ATP8B4: variants seen among roughly 807,000 people sequenced by gnomAD.
The protein encoded by ATP8B4 is ATPase phospholipid transporting 8B4 (putative).
A neutral mutation model predicts 145.6 loss-of-function variants in ATP8B4; 133 were observed. That is an observed-to-expected ratio of 0.91 (90% CI 0.79 to 1.05). The LOEUF is 1.05. Ranked by LOEUF, ATP8B4 falls within the 50% of genes least tolerant of loss-of-function variation. ATP8B4 has a pLI of 0.00. For missense variants in ATP8B4, 1,458 were observed against 1,425.2 expected (o/e 1.02, Z -0.37); for synonymous variants, 507 against 492.9 (o/e 1.03, Z -0.38).
rs1418214600 is a variant in ATP8B4, at chr15:49,876,351, C to T, written c.2954G>A (p.Gly985Glu). The T allele has an allele frequency of 6.2e-7, 1 of 1,614,050 alleles. No individual in the cohort carries two copies. The highest frequency in any genetic ancestry group is 8.5e-7 in the Non-Finnish European group (1 of 1,179,976). The change falls in exon 25 of 28, where the codon GGG (glycine) becomes GAG (glutamate). Residue 985 changes from glycine to glutamate, a missense_variant. Coordinates refer to ENST00000284509, the MANE Select transcript of ATP8B4 (RefSeq NM_024837.4). ...GAFYNVAGED[G>E]QHIADYQSFA... is the part of the protein sequence containing the mutation. ...GGACTGGTAGTCAGCAATATGTTGCCCATCTTCTCCAGCCACGTTGTAAAA... is the reference window on the plus strand; with the variant it reads ...GGACTGGTAGTCAGCAATATGTTGCTCATCTTCTCCAGCCACGTTGTAAAA...
intron 6 of ATP8B4, among the ~76,000 whole-genome samples, chr15:50,029,824 T>C (rs904522417): frequency 1.3e-5 from 2 of 152,240 alleles, no homozygotes; most frequent in Non-Finnish European, 2.9e-5. Context: ...GGGTGATTTC[T>C]ATGTTTTGTT....
intron 6 of ATP8B4, among the ~76,000 whole-genome samples, chr15:50,012,811 T>C (rs1369157413): frequency 1.3e-5 from 2 of 152,196 alleles, no homozygotes; most frequent in African/African-American, 2.4e-5. Context: ...GCTTAACCTC[T>C]GATTTGAATA....
intron 2 of ATP8B4, among the ~76,000 whole-genome samples, chr15:50,098,955 T>C (rs1374616766): frequency 2.6e-5 from 4 of 152,188 alleles, no homozygotes; most frequent in Non-Finnish European, 5.9e-5. Flanking sequence ...TACTGACATA[T>C]TCATCAAACA....
intron 6 of ATP8B4, among the ~76,000 whole-genome samples, chr15:50,032,624 T>G (rs1478603974): frequency 6.6e-6 from 1 of 152,190 alleles, no homozygotes; most frequent in Non-Finnish European, 1.5e-5. Context: ...ATTTTAAAAT[T>G]GAAAACAAAC....
At chr15:50,121,039 A>C (rs1444892036), upstream of ATP8B4, among the ~76,000 whole-genome samples, 1 of 152,194 alleles carries the variant, frequency 6.6e-6, no homozygotes, top group Non-Finnish European at 1.5e-5. Context: ...GACATAGAAA[A>C]AGATGTCCAA....
intron 24 of ATP8B4, among the ~76,000 whole-genome samples, chr15:49,878,607 C>T (rs2034873416): frequency 6.6e-6 from 1 of 152,196 alleles, no homozygotes. Context: ...TTCACTTCCC[C>T]ACAGGCAGCC....
At chr15:49,970,813 A>G (rs1021978282) in intron 13 of ATP8B4, among the ~76,000 whole-genome samples, 2 of 152,246 alleles carry the variant, frequency 1.3e-5, no homozygotes, top group South Asian at 2.1e-4. Flanking sequence ...CATATAGCCA[A>G]GACAATCCTA....
intron 20 of ATP8B4, among the ~76,000 whole-genome samples, chr15:49,909,722 C>CAAAAAAAAAAAAAAAAAAAAAAA (rs995336781): frequency 1.4e-5 from 1 of 72,018 alleles, no homozygotes. Context: ...CTTTGTTTAC[C>CAAAAAAAAAAAAAAAAAAAAAAA]AAAAAAAAAA....
chr15:50,006,919 C>T (rs2048344389), intron 7 of ATP8B4, among the ~76,000 whole-genome samples: 1 of 152,134 alleles, frequency 6.6e-6, no homozygotes, highest in Non-Finnish European at 1.5e-5. Flanking sequence ...GTATCAGGAA[C>T]TCTGCAGTAT....
At chr15:49,887,346 T>G in intron 23 of ATP8B4, among the ~76,000 whole-genome samples, 1 of 149,940 alleles carries the variant, frequency 6.7e-6, no homozygotes, top group Non-Finnish European at 1.5e-5. Context: ...CCACCTCTTC[T>G]TCCCTCCCAA....
chr15:49,985,254 G>A (rs867661138), intron 10 of ATP8B4, among the ~76,000 whole-genome samples: 8 of 151,922 alleles, frequency 5.3e-5, no homozygotes, highest in Non-Finnish European at 1.2e-4. Flanking sequence ...CTGCCAACAC[G>A]CCTGGCTAAT....
intron 23 of ATP8B4, among the ~76,000 whole-genome samples, chr15:49,882,534 A>C (rs1218848979): frequency 6.6e-6 from 1 of 152,258 alleles, no homozygotes; most frequent in Non-Finnish European, 1.5e-5. Context: ...TCGATATAAC[A>C]GAATACTATA....
intron 20 of ATP8B4, among the ~76,000 whole-genome samples, chr15:49,910,926 A>C (rs1255336287): frequency 1.3e-5 from 2 of 152,172 alleles, no homozygotes; most frequent in Admixed American, 1.3e-4. Flanking sequence ...TGGAAGCAAA[A>C]GGACAATATC....
At chr15:49,878,777 ATCC>A (rs1461281014) in intron 24 of ATP8B4, among the ~76,000 whole-genome samples, 12 of 152,136 alleles carry the variant, frequency 7.9e-5, no homozygotes, top group African/African-American at 2.7e-4. Context: ...GGAGCTTCTC[ATCC>A]TCCTCTCCCA....
chr15:50,073,543 T>G (rs2053987900), intron 3 of ATP8B4, among the ~76,000 whole-genome samples: 1 of 152,212 alleles, frequency 6.6e-6, no homozygotes, highest in African/African-American at 2.4e-5. Context: ...AGTGTTGCAA[T>G]AAACATACAT....
chr15:50,068,402 C>T (rs1398822530), intron 3 of ATP8B4, among the ~76,000 whole-genome samples: 1 of 152,162 alleles, frequency 6.6e-6, no homozygotes, highest in Non-Finnish European at 1.5e-5. Context: ...AAATAGATTT[C>T]ATCCAATAAC....
At chr15:50,128,125 T>A (rs1369324265) in intron 1 of ATP8B4, among the ~76,000 whole-genome samples, 2 of 152,176 alleles carry the variant, frequency 1.3e-5, no homozygotes, top group Non-Finnish European at 2.9e-5. Context: ...GGAATTAATA[T>A]CACCCCAGAA....
At chr15:49,890,829 C>A (rs572547780) in intron 23 of ATP8B4, among the ~76,000 whole-genome samples, 1 of 152,186 alleles carries the variant, frequency 6.6e-6, no homozygotes, top group East Asian at 1.9e-4. Context: ...ACCTTCACAG[C>A]CAGTCTTCAA....
intron 6 of ATP8B4, among the ~76,000 whole-genome samples, chr15:50,033,326 C>T (rs1020186561): frequency 3.3e-5 from 5 of 152,098 alleles, no homozygotes; most frequent in Admixed American, 2.0e-4. Context: ...GGAAATATCC[C>T]GACTAAATGA....
Sources: gnomAD v4.1 joint callset for allele counts (sites outside exome capture counted in the v4.1 genomes callset) on GRCh38, gnomAD v4.1.1 for gene constraint, MANE v1.5 for transcripts, NCBI Gene and HGNC (gene_info 2026-07-23, HGNC 2026-07-21) for gene names.